The following HNRNPU variants were observed in gnomAD, a reference collection of about 807,000 sequenced individuals.
HNRNPU encodes the protein heterogeneous nuclear ribonucleoprotein U.
Under a neutral mutation model 94.7 loss-of-function variants are expected in HNRNPU, and 5 were observed. That is an observed-to-expected ratio of 0.05 (90% CI 0.03 to 0.11). HNRNPU has a LOEUF of 0.11. Ranked by LOEUF, HNRNPU falls within the 10% of genes least tolerant of loss-of-function variation. The probability of loss-of-function intolerance (pLI) is 1.00; values close to 1 mark genes in which losing one functional copy is unlikely to be tolerated. For synonymous variants in HNRNPU, 434 were observed against 381.6 expected (o/e 1.14, Z -1.60); for missense variants, 710 against 1,049.2 (o/e 0.68, Z 4.47).
In HNRNPU at chr1:244,863,418, A is replaced by ACG. The variant is rs1244083105; in HGVS notation, c.691+198_691+199insCG. Reference sequence around the variant, plus strand: ...CCGACACACACACACACACACACACACACGCGCGCGCGCACACACACGCCC... The same window carrying ACG: ...CCGACACACACACACACACACACACACGCACGCGCGCGCGCACACACACGCCC... On this transcript the variant is annotated intron_variant, in intron 1 of 13. Coordinates refer to ENST00000640218, the MANE Select transcript of HNRNPU (RefSeq NM_031844.3). 7.7e-3 allele frequency among the ~76,000 whole-genome samples: 1,092 copies of ACG among 141,516 alleles called. 15 individuals carry two copies. Among genetic ancestry groups the ACG allele is most frequent in the East Asian group, 0.019 (86 of 4,644 alleles). 92.8% of individuals were successfully genotyped at this position (141,516 alleles called of 152,430 possible).
Position 244,850,575 on chromosome 1 carries a change from G to T in HNRNPU, c.*3875C>A, listed in dbSNP as rs1365384799. 1 of 148,002 alleles carries T rather than the reference G, an allele frequency of 6.8e-6. No individual in the cohort carries two copies. The highest frequency in any genetic ancestry group is 2.5e-5 in the African/African-American group (1 of 40,450). 9.2% of individuals were successfully genotyped at this position (148,002 alleles called of 1,614,324 possible). A position where few individuals can be genotyped will look rare whatever the true frequency, so the allele number is the denominator to read the frequency against. On this transcript the variant is annotated 3_prime_UTR_variant, in exon 14 of 14. Transcript: ENST00000640218. ...CAATTCGAAGAGACTTGTGGTTTAT[G>T]TATTAGTAATTCAAATTACTGTTTT...
At chr1:244,854,746 A>G (rs1680634302) in intron 13 of HNRNPU, 2 of 514,084 alleles carry the variant, frequency 3.9e-6, no homozygotes, top group Non-Finnish European at 6.8e-6. Flanking sequence ...AAAGAACTGT[A>G]TATATTAAAT....
rs1257366051 is a variant in HNRNPU, at chr1:244,855,448, C to A, written c.2328G>T (p.Met776Ile). 6.2e-7 allele frequency: 1 copy of A among 1,613,698 alleles called. No individual in the cohort carries two copies. The highest frequency in any genetic ancestry group is 8.5e-7 in the Non-Finnish European group (1 of 1,179,896). ...CCTGGTTGTAGTTCCCTCTGTTGGG[C>A]ATTCCACCTCTGTTGTAGTTCCCTC... is the stretch of plus-strand genomic sequence containing the variant. ...SNRGNYNRGGMPNRGNYNQNF... is the reference protein window; with the variant it reads ...SNRGNYNRGGIPNRGNYNQNF... The change falls in exon 12 of 14, where the codon ATG becomes ATT. Residue 776 changes from methionine (M) to isoleucine (I), a missense_variant. By Grantham distance (10) the Met-to-Ile change is conservative (BLOSUM62 1). Transcript: ENST00000640218.
intron 5 of HNRNPU, 56 bp downstream of exon 5, chr1:244,859,219 G>A (rs951146212): frequency 2.8e-5 from 25 of 895,834 alleles, no homozygotes; most frequent in African/African-American, 5.0e-5. Flanking sequence ...AAAAAACACT[G>A]AAATCAGACC....
In HNRNPU at chr1:244,858,795, T is replaced by C. The variant is rs1680749258; in HGVS notation, c.1164A>G (p.Thr388=). Residue 388 remains threonine (T), a synonymous_variant, in exon 6 of 14, where the codon ACA becomes ACG. Transcript: ENST00000640218. The part of the protein sequence containing the change: ...SYGYSLKGIK[T]CNCETEDYGE... ...CATAATCTTCAGTCTCACAGTTGCATGTTTTTATTCCTTTTAGAGAATACC... is the reference window on the plus strand; with the variant it reads ...CATAATCTTCAGTCTCACAGTTGCACGTTTTTATTCCTTTTAGAGAATACC... 1.9e-6 allele frequency: 3 copies of C among 1,590,732 alleles called. No homozygotes were observed. Among genetic ancestry groups the C allele is most frequent in the East Asian group, 2.2e-5 (1 of 44,708 alleles).
At chr1:244,862,975 G>C in intron 1 of HNRNPU, 1 of 540,604 alleles carries the variant, frequency 1.8e-6, no homozygotes, top group Non-Finnish European at 3.3e-6. Context: ...AAAACTGCGC[G>C]GCCCAGGCCC....
chr1:244,860,637 C>T, intron 3 of HNRNPU, 163 bp from the exon 4 acceptor site: 1 of 609,300 alleles, frequency 1.6e-6, no homozygotes. Flanking sequence ...AGCCCCACTC[C>T]CACCAAGTCA....
rs575582638 is a variant in HNRNPU, at chr1:244,855,902, GCCT to G, written c.2166_2167+1del. On this transcript the variant is annotated splice_donor_variant and coding_sequence_variant, in exon 11 of 14. Coordinates refer to ENST00000640218, the MANE Select transcript of HNRNPU (RefSeq NM_031844.3). LOFTEE classifies it high-confidence loss of function. Reference sequence around the variant, plus strand: ...AATACAGAACACTCAAAATTAACTTGCCTCCTCCTCTGAAATTTCCACCACGCA... The same window carrying G: ...AATACAGAACACTCAAAATTAACTTGCCTCCTCTGAAATTTCCACCACGCA... 7.1e-4 allele frequency: 1,151 copies of G among 1,613,340 alleles called. 5 individuals are homozygous for G. Among genetic ancestry groups the G allele is most frequent in the South Asian group, 4.8e-3 (440 of 90,974 alleles).
Position 244,855,460 on chromosome 1 carries a change from G to C in HNRNPU, c.2316C>G (p.Asn772Lys). 1 of 1,613,808 alleles carries C rather than the reference G, an allele frequency of 6.2e-7. No homozygotes were observed. ...TCCCTCTGTTGGGCATTCCACCTCTGTTGTAGTTCCCTCTGTTTGAGTAAC... is the reference window on the plus strand; with the variant it reads ...TCCCTCTGTTGGGCATTCCACCTCTCTTGTAGTTCCCTCTGTTTGAGTAAC... ...RGSYSNRGNY[N>K]RGGMPNRGNY... Residue 772 changes from asparagine to lysine, a missense_variant, in exon 12 of 14, where the codon AAC becomes AAG. By Grantham distance (94) the Asn-to-Lys change is moderately conservative. Transcript: ENST00000640218.
chr1:244,863,255 A>C (rs1680895471), intron 1 of HNRNPU: 2 of 165,314 alleles, frequency 1.2e-5, no homozygotes, highest in South Asian at 2.2e-4. Flanking sequence ...ATGTGCCCGC[A>C]CCGCGCGCAC....
intron 1 of HNRNPU, 119 bp downstream of exon 1, chr1:244,863,492 CCACCCT>C: frequency 8.6e-7 from 1 of 1,157,736 alleles, no homozygotes; most frequent in South Asian, 3.3e-5. Context: ...GCCCCCTCCC[CCACCCT>C]CACCGCGGCG....
intron 5 of HNRNPU, 60 bp from the exon 6 acceptor site, chr1:244,858,901 T>C (rs890936234): frequency 2.5e-6 from 2 of 788,212 alleles, no homozygotes; most frequent in African/African-American, 3.5e-5. Flanking sequence ...GACTCATCTA[T>C]TTTACTACTT....
chr1:244,854,904 T>C, intron 13 of HNRNPU, 69 bp downstream of exon 13: 1 of 1,233,148 alleles, frequency 8.1e-7, no homozygotes, highest in South Asian at 1.2e-5. Flanking sequence ...AAGATCTTTT[T>C]CAAGACTGAT....
Position 244,854,321 on chromosome 1 carries a change from G to A in HNRNPU, c.*129C>T. ...AAAAGAAAAAAAATCAACCCACAAA[G>A]CTTCTAAAAAAGGAACCCGCAGGCA... is the stretch of plus-strand genomic sequence containing the variant. On this transcript the variant is annotated 3_prime_UTR_variant, in exon 14 of 14. Transcript: ENST00000640218. The A allele has an allele frequency of 2.9e-6, 2 of 696,636 alleles. No homozygotes were observed. The highest frequency in any genetic ancestry group is 5.1e-6 in the Non-Finnish European group (2 of 388,712). 43.2% of individuals were successfully genotyped at this position (696,636 alleles called of 1,614,324 possible).
rs757585114 is a variant in HNRNPU, at chr1:244,863,639, ACCGCCGCCT to A, written c.660_668del (p.Gly221_Gly223del). The A allele has an allele frequency of 3.2e-5, 49 of 1,543,498 alleles. 1 individual carries two copies. The highest frequency in any genetic ancestry group is 1.5e-4 in the South Asian group (13 of 85,040). ...CACCCGCCGCCGGAGCCCCGGGGCG[ACCGCCGCCT>A]CCGCCGCCTTCCGCCTTCTTCTTAC... On this transcript the variant is annotated inframe_deletion, in exon 1 of 14. Transcript: ENST00000640218.
At position 244,854,420 on chromosome 1, in the gene HNRNPU, A is replaced by C; in HGVS notation, c.*30T>G. On this transcript the variant is annotated 3_prime_UTR_variant, in exon 14 of 14. Coordinates refer to ENST00000640218, the MANE Select transcript of HNRNPU (RefSeq NM_031844.3). ...CGACTTCTTGTGAAGGTTTTGGAGA[A>C]ATATGTATCAGTTCGTTTTATTTGG... 1 of 1,433,326 alleles carries C rather than the reference A, an allele frequency of 7.0e-7. No homozygotes were observed. Among genetic ancestry groups the C allele is most frequent in the Non-Finnish European group, 9.8e-7 (1 of 1,017,604 alleles). The allele number at this position is 1,433,326 out of a possible 1,614,324, so 88.8% of individuals were successfully genotyped here.
intron 1 of HNRNPU, chr1:244,862,989 G>A (rs994721126): frequency 1.2e-5 from 6 of 508,978 alleles, no homozygotes; most frequent in Non-Finnish European, 1.1e-5. Flanking sequence ...CAGGCCCGAA[G>A]CCCACGTGTA....
chr1:244,862,388 A>G (rs1423484919), intron 3 of HNRNPU, 73 bp downstream of exon 3: 7 of 950,788 alleles, frequency 7.4e-6, no homozygotes, highest in Non-Finnish European at 1.1e-5. Context: ...TTAAGCATTA[A>G]GACTTCTAAA....
chr1:244,859,096 T>TAA, intron 5 of HNRNPU, 179 bp downstream of exon 5: 1 of 579,678 alleles, frequency 1.7e-6, no homozygotes, highest in Admixed American at 3.4e-5. Context: ...AAACTTCTAA[T>TAA]AAAGGAACAA....
Sources: allele counts gnomAD v4.1 joint callset (sites outside exome capture counted in the v4.1 genomes callset), GRCh38; gene constraint gnomAD v4.1.1; transcripts MANE v1.5; gene names NCBI Gene and HGNC (gene_info 2026-07-23, HGNC 2026-07-21).